ATG3: variants seen among roughly 807,000 people sequenced by gnomAD.
The protein encoded by ATG3 is autophagy related 3.
In ATG3, 25 loss-of-function variants were observed where a neutral mutation model predicts 50.7. That is an observed-to-expected ratio of 0.49 (90% CI 0.36 to 0.69). The LOEUF (loss-of-function observed/expected upper bound fraction) is 0.69. ATG3 is among the 30% of genes least tolerant of loss of function. The pLI is 0.00. For missense variants in ATG3, 281 were observed against 376.0 expected (o/e 0.75, Z 2.09); for synonymous variants, 119 against 125.5 (o/e 0.95, Z 0.34).
At chr3:112,538,203 G>A (rs760856527) in intron 7 of ATG3, 23 bp from the exon 8 acceptor site, 1 of 1,543,110 alleles carries the variant, frequency 6.5e-7, no homozygotes. Flanking sequence ...AACAACAAAA[G>A]ATTAATCAAG....
intron 1 of ATG3, among the ~76,000 whole-genome samples, chr3:112,559,249 A>C (rs1459671552): frequency 4.6e-5 from 7 of 152,138 alleles, no homozygotes; most frequent in Non-Finnish European, 1.0e-4. Flanking sequence ...TCTCATCTCC[A>C]CCAAGATACT....
intron 2 of ATG3, among the ~76,000 whole-genome samples, chr3:112,555,305 T>G (rs952630531): frequency 6.6e-6 from 1 of 152,226 alleles, no homozygotes. Flanking sequence ...CGTGTTCAAA[T>G]GATGCAAGAT....
chr3:112,559,600 G>C (rs1411388563), intron 1 of ATG3, among the ~76,000 whole-genome samples: 1 of 152,186 alleles, frequency 6.6e-6, no homozygotes, highest in Non-Finnish European at 1.5e-5. Flanking sequence ...AGACTTCACT[G>C]AATAATGACT....
At chr3:112,542,021 T>G in intron 6 of ATG3, 137 bp from the exon 7 acceptor site, 1 of 576,960 alleles carries the variant, frequency 1.7e-6, no homozygotes, top group Non-Finnish European at 2.9e-6. Flanking sequence ...AACCTTAAAC[T>G]CCAATGAAGA....
At chr3:112,548,448 CCT>C in intron 5 of ATG3, 83 bp downstream of exon 5, 1 of 1,170,110 alleles carries the variant, frequency 8.5e-7, no homozygotes, top group East Asian at 2.5e-5. Context: ...CCTTATGTAT[CCT>C]CTTTTTTAAA....
At chr3:112,534,064 A>G in intron 11 of ATG3, 2 of 1,282,404 alleles carry the variant, frequency 1.6e-6, no homozygotes, top group Non-Finnish European at 2.0e-6. Flanking sequence ...ACTGCTACAC[A>G]TGGGGACATG....
At position 112,553,263 on chromosome 3, in the gene ATG3, T is replaced by C; in HGVS notation, c.164+17A>G. The C allele has an allele frequency of 6.3e-7, 1 of 1,591,008 alleles. No homozygotes were observed. The highest frequency in any genetic ancestry group is 8.6e-7 in the Non-Finnish European group (1 of 1,160,736). ...TGCATTTTACTAATTTTCTATTCTT[T>C]ACTCAATATTACTTACCATTGCCAT... On this transcript the variant is annotated intron_variant, in intron 3 of 11. Coordinates refer to ENST00000283290, the MANE Select transcript of ATG3 (RefSeq NM_022488.5).
chr3:112,561,149 T>A (rs2705505), intron 1 of ATG3, among the ~76,000 whole-genome samples: 24,144 of 152,158 alleles, frequency 0.16, 4,497 homozygotes, highest in African/African-American at 0.45. Flanking sequence ...GTGTTTGGAT[T>A]TAACGTTCTT....
chr3:112,553,195 C>T, intron 3 of ATG3, 85 bp downstream of exon 3: 1 of 1,120,410 alleles, frequency 8.9e-7, no homozygotes. Flanking sequence ...TTCTAATTTT[C>T]ATCCATTAAC....
At chr3:112,561,022 A>T (rs778560826) in intron 1 of ATG3, among the ~76,000 whole-genome samples, 9 of 152,204 alleles carry the variant, frequency 5.9e-5, no homozygotes, top group Non-Finnish European at 1.2e-4. Flanking sequence ...GACTTTCATG[A>T]AACTTAAAGG....
At chr3:112,551,950 C>T (rs1933540993) in intron 3 of ATG3, among the ~76,000 whole-genome samples, 1 of 151,956 alleles carries the variant, frequency 6.6e-6, no homozygotes. Context: ...TCTTTTGGTA[C>T]ATAAATAATG....
intron 7 of ATG3, among the ~76,000 whole-genome samples, chr3:112,541,436 T>C: frequency 6.6e-6 from 1 of 152,012 alleles, no homozygotes; most frequent in East Asian, 1.9e-4. Flanking sequence ...CAGGTTTTAA[T>C]AGAAAGATGC....
chr3:112,541,015 A>G (rs899514419), intron 7 of ATG3, among the ~76,000 whole-genome samples: 24 of 152,194 alleles, frequency 1.6e-4, no homozygotes, highest in Admixed American at 6.5e-4. Flanking sequence ...TGATTCACTA[A>G]TGCAGTGATT....
Position 112,533,886 on chromosome 3 carries a change from G to C in ATG3, c.863+383C>G, listed in dbSNP as rs957107038. On this transcript the variant is annotated intron_variant, in intron 11 of 11. Transcript: ENST00000283290. Reference sequence around the variant, plus strand: ...ACTTTTAATTAACGTATTTGTTTAAGCTGAATTATTTGCTTCAGAGACACC... The same window carrying C: ...ACTTTTAATTAACGTATTTGTTTAACCTGAATTATTTGCTTCAGAGACACC... 8.9e-6 allele frequency: 9 copies of C among 1,015,814 alleles called. No homozygotes were observed. In the African/African-American group the frequency reaches 1.2e-4, roughly 13 times the overall value. 62.9% of individuals were successfully genotyped at this position (1,015,814 alleles called of 1,614,324 possible). A position where few individuals can be genotyped will look rare whatever the true frequency, so the allele number is the denominator to read the frequency against.
chr3:112,558,974 G>A (rs891864231), intron 1 of ATG3, among the ~76,000 whole-genome samples: 2 of 152,116 alleles, frequency 1.3e-5, no homozygotes, highest in Admixed American at 1.3e-4. Flanking sequence ...CCTGACCTCA[G>A]GTGATCCACC....
intron 11 of ATG3, chr3:112,533,587 C>A (rs2082571373): frequency 1.0e-6 from 1 of 985,200 alleles, no homozygotes; most frequent in Admixed American, 6.2e-5. Context: ...GCCGAAACCA[C>A]CACCAAGTCA....
intron 3 of ATG3, among the ~76,000 whole-genome samples, chr3:112,551,365 T>C (rs374719927): frequency 3.9e-5 from 6 of 152,356 alleles, no homozygotes; most frequent in East Asian, 1.9e-4. Flanking sequence ...AAGGTCATGA[T>C]AGCACTTGTG....
intron 3 of ATG3, among the ~76,000 whole-genome samples, chr3:112,552,536 C>T (rs970632866): frequency 4.0e-5 from 6 of 150,958 alleles, no homozygotes; most frequent in Non-Finnish European, 7.4e-5. Flanking sequence ...TAACAGAAAA[C>T]GTTTATGTTT....
At chr3:112,534,156 T>G in intron 11 of ATG3, 113 bp downstream of exon 11, 1 of 1,476,958 alleles carries the variant, frequency 6.8e-7, no homozygotes, top group Non-Finnish European at 9.0e-7. Flanking sequence ...GATTTTCAGA[T>G]GAGAAGTTAA....
Sources: gnomAD v4.1 joint callset for allele counts (sites outside exome capture counted in the v4.1 genomes callset) on GRCh38, gnomAD v4.1.1 for gene constraint, MANE v1.5 for transcripts, NCBI Gene and HGNC (gene_info 2026-07-23, HGNC 2026-07-21) for gene names.